Variants in DLGAP1 observed in about 807,000 individuals in gnomAD.
DLGAP1 encodes disks large-associated protein 1.
DLGAP1 carries 11 observed loss-of-function variants against 90.8 expected under a neutral mutation model. That is an observed-to-expected ratio of 0.12 (90% CI 0.08 to 0.20). The LOEUF (loss-of-function observed/expected upper bound fraction) is 0.20. DLGAP1 is among the 10% of genes least tolerant of loss of function. The probability of loss-of-function intolerance (pLI) is 1.00; values close to 1 mark genes in which losing one functional copy is unlikely to be tolerated. For synonymous variants in DLGAP1, 558 were observed against 540.7 expected, an observed-to-expected ratio of 1.03 and a Z score of -0.44; for missense variants, 1,050 against 1,333.8, an observed-to-expected ratio of 0.79 and a Z score of 3.31.
intron 7 of DLGAP1, among the ~76,000 whole-genome samples, chr18:3,681,217 C>A (rs2060502209): frequency 6.6e-6 from 1 of 152,172 alleles, no homozygotes; most frequent in Non-Finnish European, 1.5e-5. Context: ...ACTGTCCTCT[C>A]ACTTTTTGTC....
chr18:3,714,123 A>G (rs947440059), intron 7 of DLGAP1, among the ~76,000 whole-genome samples: 1 of 152,146 alleles, frequency 6.6e-6, no homozygotes, highest in African/African-American at 2.4e-5. Flanking sequence ...CCCCTTTTTT[A>G]AAAAAACAAT....
At chr18:4,369,400 G>A (rs914852269) in intron 1 of DLGAP1, among the ~76,000 whole-genome samples, 21 of 151,738 alleles carry the variant, frequency 1.4e-4, no homozygotes, top group South Asian at 2.1e-4. Context: ...TCTTATCTTC[G>A]GATTATAATT....
At chr18:3,914,260 G>C (rs1030702207) in intron 3 of DLGAP1, among the ~76,000 whole-genome samples, 1 of 151,966 alleles carries the variant, frequency 6.6e-6, no homozygotes, top group Non-Finnish European at 1.5e-5. Flanking sequence ...CTGCTTCTAC[G>C]AGCTCCAGTC....
At chr18:3,813,761 T>G (rs1330582260) in intron 5 of DLGAP1, among the ~76,000 whole-genome samples, 1 of 152,022 alleles carries the variant, frequency 6.6e-6, no homozygotes, top group African/African-American at 2.4e-5. Flanking sequence ...GAAATTTCAA[T>G]CCTTTTCAGA....
At chr18:3,583,734 G>T (rs1478413565) in intron 7 of DLGAP1, among the ~76,000 whole-genome samples, 1 of 152,096 alleles carries the variant, frequency 6.6e-6, no homozygotes, top group Non-Finnish European at 1.5e-5. Flanking sequence ...GATCACCTGA[G>T]GTCAGGAGTT....
At chr18:3,596,961 C>A in intron 7 of DLGAP1, 1 of 520,084 alleles carries the variant, frequency 1.9e-6, no homozygotes, top group Non-Finnish European at 3.8e-6. Flanking sequence ...GTCGTCCACC[C>A]GATGTCCCCC....
chr18:4,201,260 T>C (rs958354170), intron 1 of DLGAP1, among the ~76,000 whole-genome samples: 1 of 151,998 alleles, frequency 6.6e-6, no homozygotes, highest in Non-Finnish European at 1.5e-5. Flanking sequence ...GAAGTTTTTA[T>C]GATTTTAGGT....
chr18:3,554,544 C>A (rs917648241), intron 9 of DLGAP1, among the ~76,000 whole-genome samples: 2 of 152,192 alleles, frequency 1.3e-5, no homozygotes, highest in African/African-American at 4.8e-5. Context: ...GTCCTCACCG[C>A]GAGGCAGCCC....
chr18:3,742,857 A>G (rs544437438), intron 5 of DLGAP1, among the ~76,000 whole-genome samples: 16 of 146,948 alleles, frequency 1.1e-4, no homozygotes, highest in African/African-American at 3.5e-4. Context: ...CTTTGTATCT[A>G]TTTCTTTCCT....
At chr18:3,897,753 G>T (rs960885591) in intron 3 of DLGAP1, among the ~76,000 whole-genome samples, 7 of 151,366 alleles carry the variant, frequency 4.6e-5, no homozygotes, top group Non-Finnish European at 8.8e-5. Context: ...AAATGCCTGG[G>T]ACCCAGAAGT....
At chr18:4,220,146 G>A (rs2078044628) in intron 1 of DLGAP1, among the ~76,000 whole-genome samples, 1 of 152,030 alleles carries the variant, frequency 6.6e-6, no homozygotes, top group Non-Finnish European at 1.5e-5. Context: ...GTTCTCTACA[G>A]TTTTTTCATC....
intron 2 of DLGAP1, among the ~76,000 whole-genome samples, chr18:4,138,015 T>G (rs981680855): frequency 4.6e-5 from 7 of 152,116 alleles, no homozygotes; most frequent in African/African-American, 1.7e-4. Context: ...TGGAGGAGTC[T>G]TTAGGCTTTC....
intron 1 of DLGAP1, among the ~76,000 whole-genome samples, chr18:4,162,789 C>T (rs577504648): frequency 6.6e-6 from 1 of 152,222 alleles, no homozygotes; most frequent in South Asian, 2.1e-4. Context: ...GAAACAGCCA[C>T]CCTAAAGCTA....
At chr18:3,764,870 G>A (rs1193344279) in intron 5 of DLGAP1, among the ~76,000 whole-genome samples, 1 of 152,074 alleles carries the variant, frequency 6.6e-6, no homozygotes, top group Non-Finnish European at 1.5e-5. Context: ...GTTCTAGGTT[G>A]AGCTTAGGTG....
At chr18:4,161,696 C>T (rs1333347456) in intron 1 of DLGAP1, among the ~76,000 whole-genome samples, 4 of 152,186 alleles carry the variant, frequency 2.6e-5, no homozygotes, top group Admixed American at 2.6e-4. Flanking sequence ...ACTTCCGAGC[C>T]TGTGTATGCC....
At chr18:4,231,882 T>G (rs2078306366) in intron 1 of DLGAP1, among the ~76,000 whole-genome samples, 1 of 152,134 alleles carries the variant, frequency 6.6e-6, no homozygotes, top group Non-Finnish European at 1.5e-5. Context: ...GTAGGGAATA[T>G]GCTATTGACA....
intron 5 of DLGAP1, among the ~76,000 whole-genome samples, chr18:3,754,470 A>T (rs1483107944): frequency 1.3e-5 from 2 of 152,080 alleles, no homozygotes; most frequent in East Asian, 3.8e-4. Flanking sequence ...CTGCAGACAA[A>T]CTGTGGCCTA....
chr18:3,892,983 G>T lies in DLGAP1; in HGVS notation c.-72-12843C>A, dbSNP rs372048285. Among the ~76,000 whole-genome samples, 8 of 150,862 alleles carry T rather than the reference G, an allele frequency of 5.3e-5. No individual in the cohort carries two copies. The East Asian group carries it at 1.6e-3, about 29-fold the overall frequency. ...TTTGTTACATTGTGTAGAAGTAAAG[G>T]CTGGGCTTTTAGTGTAGCCATCCCC... On this transcript the variant is annotated intron_variant, in intron 3 of 12. Coordinates refer to ENST00000315677, the MANE Select transcript of DLGAP1 (RefSeq NM_004746.4).
At chr18:4,301,206 T>A (rs1234525387) in intron 1 of DLGAP1, among the ~76,000 whole-genome samples, 2 of 152,150 alleles carry the variant, frequency 1.3e-5, no homozygotes, top group Non-Finnish European at 2.9e-5. Flanking sequence ...CACGATGCTA[T>A]GCAATAAATC....
Sources: gnomAD v4.1 joint callset for allele counts (sites outside exome capture counted in the v4.1 genomes callset) on GRCh38, gnomAD v4.1.1 for gene constraint, MANE v1.5 for transcripts, NCBI Gene and HGNC (gene_info 2026-07-23, HGNC 2026-07-21) for gene names.